The following WDFY3 variants were observed in gnomAD, a reference collection of about 807,000 sequenced individuals.
WDFY3 encodes WD repeat and FYVE domain-containing protein 3.
Under a neutral mutation model 409.6 loss-of-function variants are expected in WDFY3, and 66 were observed. The ratio of observed to expected loss-of-function variants is 0.16; its 90% CI spans 0.13 to 0.20. WDFY3 has a LOEUF of 0.20. Among genes scored for constraint, WDFY3 ranks in the 10% least tolerant of loss-of-function variants. WDFY3 has a pLI of 1.00. For missense variants in WDFY3, 3,031 were observed against 4,298.1 expected (o/e 0.71, Z 8.24); for synonymous variants, 1,521 against 1,537.1 (o/e 0.99, Z 0.25).
At chr4:84,762,037 T>C (rs914128941) in intron 32 of WDFY3, among the ~76,000 whole-genome samples, 62 of 152,256 alleles carry the variant, frequency 4.1e-4, no homozygotes, top group African/African-American at 1.5e-3. Flanking sequence ...AGTTCAACCA[T>C]TGTGGAAGTC....
intron 2 of WDFY3, among the ~76,000 whole-genome samples, chr4:84,903,091 G>A (rs1766558490): frequency 6.6e-6 from 1 of 152,080 alleles, no homozygotes; most frequent in Non-Finnish European, 1.5e-5. Context: ...TTCTATTAAG[G>A]TTGAGTCAAA....
At chr4:84,787,418 C>T (rs552815931) in intron 23 of WDFY3, 64 bp downstream of exon 23, 150 of 1,463,102 alleles carry the variant, frequency 1.0e-4, no homozygotes, top group Admixed American at 1.8e-4. Context: ...CAGACACACA[C>T]ATGCATCTAT....
At chr4:84,813,754 C>T (rs1752859945) in intron 13 of WDFY3, among the ~76,000 whole-genome samples, 1 of 151,902 alleles carries the variant, frequency 6.6e-6, no homozygotes, top group African/African-American at 2.4e-5. Flanking sequence ...AATAAGGTAC[C>T]AAAAGAGGAG....
intron 1 of WDFY3, among the ~76,000 whole-genome samples, chr4:84,936,755 C>G (rs1054007845): frequency 6.6e-6 from 1 of 151,976 alleles, no homozygotes; most frequent in Non-Finnish European, 1.5e-5. Flanking sequence ...AAAAAAAATT[C>G]AAAAGCCACA....
chr4:84,820,093 G>C lies in WDFY3; in HGVS notation c.1685C>G (p.Thr562Arg), dbSNP rs1192728427. The change falls in exon 12 of 68, where the codon ACA becomes AGA. Residue 562 changes from threonine (T) to arginine (R), a missense_variant. This residue lies in a region of WDFY3 where 1,322 missense variants were observed against 1,697.9 expected (regional missense o/e 0.78). Transcript: ENST00000295888. ...TLTVLLQGSN[T>R]NAGIFREFGG... Reference sequence around the variant, plus strand: ...GCAGCTTTTTAAATTACCTGCATTTGTGTTTGATCCTTGAAGAAGCACTGT... The same window carrying C: ...GCAGCTTTTTAAATTACCTGCATTTCTGTTTGATCCTTGAAGAAGCACTGT... 6.2e-7 allele frequency: 1 copy of C among 1,600,770 alleles called. No individual in the cohort carries two copies. The highest frequency in any genetic ancestry group is 1.7e-5 in the Admixed American group (1 of 58,462).
Position 84,766,010 on chromosome 4 carries a change from A to G in WDFY3, c.4988T>C (p.Val1663Ala). ...SINLQACEEL[V>A]KTLGFDWIMM... ...GATCCAGTCAAAACCCAGTGTCTTC[A>G]CCAGTTCTTCACAAGCTCTATTCAA... is the stretch of plus-strand genomic sequence containing the variant. The change falls in exon 32 of 68, where the codon GTG becomes GCG. Residue 1663 changes from valine to alanine, a missense_variant. This residue lies in a region of WDFY3 where 342 missense variants were observed against 463.7 expected (regional missense o/e 0.74). Coordinates refer to ENST00000295888, the MANE Select transcript of WDFY3 (RefSeq NM_014991.6). The G allele has an allele frequency of 6.2e-7, 1 of 1,614,024 alleles. No individual in the cohort carries two copies. Among genetic ancestry groups the G allele is most frequent in the Non-Finnish European group, 8.5e-7 (1 of 1,179,934 alleles).
rs532358287 is a variant in WDFY3, at chr4:84,715,084, C to A, written c.7961+214G>T. 4.5e-3 allele frequency among the ~76,000 whole-genome samples: 678 copies of A among 152,132 alleles called. 4 individuals carry two copies. The highest frequency in any genetic ancestry group is 7.0e-3 in the Non-Finnish European group (476 of 68,010). ...TTTTGATGATCTCTACTATAAGTTACCAGAAGGAAAAATGGTATGTCACAA... is the reference window on the plus strand; with the variant it reads ...TTTTGATGATCTCTACTATAAGTTAACAGAAGGAAAAATGGTATGTCACAA... On this transcript the variant is annotated intron_variant, in intron 50 of 67. Coordinates refer to ENST00000295888, the MANE Select transcript of WDFY3 (RefSeq NM_014991.6).
chr4:84,812,344 C>CGCAT (rs768102754), intron 13 of WDFY3, among the ~76,000 whole-genome samples: 13 of 152,110 alleles, frequency 8.5e-5, no homozygotes, highest in Non-Finnish European at 1.6e-4. Context: ...GACATGTATG[C>CGCAT]GCATGCACGC....
Position 84,693,025 on chromosome 4 carries a change from T to C in WDFY3, c.8909A>G (p.Lys2970Arg). 4 of 1,611,186 alleles carry C rather than the reference T, an allele frequency of 2.5e-6. No individual in the cohort carries two copies. The highest frequency in any genetic ancestry group is 2.2e-5 in the East Asian group (1 of 44,852). ...NFGQIPKQLF[K>R]KPHPPKRVRS... is the part of the protein sequence containing the mutation. ...CACTCGCTTTGGTGGATGAGGTTTT[T>C]TAAATAACTGGTATGAAAGAAGATG... The change falls in exon 59 of 68, where the codon AAA becomes AGA. Residue 2970 changes from lysine to arginine, a missense_variant. This residue lies in a region of WDFY3 where 129 missense variants were observed against 305.3 expected (regional missense o/e 0.42). Transcript: ENST00000295888.
At position 84,721,505 on chromosome 4, in the gene WDFY3, C is replaced by T. The variant is rs1734847462; in HGVS notation, c.7509G>A (p.Glu2503=). ...APDGGDEENQ[E]QLQDQIAEGS... ...CCTCAGCAATCTGGTCTTGTAGCTG[C>T]TCCTGGTTCTCCTCATCTCCTCCAT... The change falls in exon 47 of 68, where the codon GAG becomes GAA. Residue 2503 remains glutamate (E), a synonymous_variant. Coordinates refer to ENST00000295888, the MANE Select transcript of WDFY3 (RefSeq NM_014991.6). 2 of 1,612,372 alleles carry T rather than the reference C, an allele frequency of 1.2e-6. No individual in the cohort carries two copies. The highest frequency in any genetic ancestry group is 2.2e-5 in the East Asian group (1 of 44,884).
Position 84,739,004 on chromosome 4 carries a change from A to T in WDFY3, c.6574+6T>A. ...ATTTAAAAACATCCCAAGTCAAGGC[A>T]ATTACCTTCACTAATATCTTGGCTG... On this transcript the variant is annotated splice_donor_region_variant and intron_variant, in intron 40 of 67. Transcript: ENST00000295888. The T allele has an allele frequency of 1.2e-6, 2 of 1,613,734 alleles. No homozygotes were observed. Among genetic ancestry groups the T allele is most frequent in the Non-Finnish European group, 1.7e-6 (2 of 1,179,640 alleles).
chr4:84,920,292 AGTAAT>A (rs1317118266), intron 2 of WDFY3, among the ~76,000 whole-genome samples: 2 of 152,230 alleles, frequency 1.3e-5, no homozygotes, highest in Non-Finnish European at 2.9e-5. Flanking sequence ...GGAAGATTAA[AGTAAT>A]GTAAGAATGT....
intron 25 of WDFY3, among the ~76,000 whole-genome samples, chr4:84,781,911 T>C (rs931835731): frequency 6.6e-6 from 1 of 152,126 alleles, no homozygotes; most frequent in Non-Finnish European, 1.5e-5. Flanking sequence ...ACAATAAAAA[T>C]TGCCAATGAC....
intron 44 of WDFY3, among the ~76,000 whole-genome samples, chr4:84,727,504 A>G (rs1206795296): frequency 1.9e-4 from 29 of 152,202 alleles, no homozygotes; most frequent in Non-Finnish European, 3.8e-4. Context: ...CTGGATCATC[A>G]GCCCCCAGAT....
At chr4:84,789,608 A>C in intron 22 of WDFY3, 118 bp downstream of exon 22, 1 of 1,113,570 alleles carries the variant, frequency 9.0e-7, no homozygotes. Flanking sequence ...AAAATTAAGA[A>C]AGTAATTTTA....
chr4:84,838,739 A>G (rs1756932853), intron 6 of WDFY3, among the ~76,000 whole-genome samples: 1 of 152,216 alleles, frequency 6.6e-6, no homozygotes. Context: ...CACTTATGTT[A>G]CCATACATTT....
chr4:84,951,382 C>G (rs1461505068), intron 1 of WDFY3, among the ~76,000 whole-genome samples: 4 of 152,152 alleles, frequency 2.6e-5, no homozygotes, highest in Admixed American at 2.6e-4. Flanking sequence ...ATGAAGAAAA[C>G]AGATTATCTG....
intron 10 of WDFY3, among the ~76,000 whole-genome samples, chr4:84,825,357 ATTTT>A (rs749043186): frequency 8.0e-6 from 1 of 125,374 alleles, no homozygotes. Context: ...AGAAGTCTCT[ATTTT>A]TTTTTTTTTT....
chr4:84,811,797 T>C (rs1306708126), intron 13 of WDFY3, among the ~76,000 whole-genome samples: 1 of 152,214 alleles, frequency 6.6e-6, no homozygotes, highest in East Asian at 1.9e-4. Context: ...TGAATATCCA[T>C]TATTTAAAGT....
Sources: allele counts gnomAD v4.1 joint callset (sites outside exome capture counted in the v4.1 genomes callset), GRCh38; gene constraint gnomAD v4.1.1; regional missense constraint gnomAD v4.1.1; transcripts MANE v1.5; gene names NCBI Gene and HGNC (gene_info 2026-07-23, HGNC 2026-07-21).